Variants in TTYH2 observed in about 807,000 individuals in gnomAD.
TTYH2 encodes the protein tweety family member 2.
TTYH2 carries 49 observed loss-of-function variants against 68.3 expected under a neutral mutation model. The ratio of observed to expected loss-of-function variants is 0.72; its 90% CI spans 0.57 to 0.91. The LOEUF (loss-of-function observed/expected upper bound fraction) is 0.91. Among genes scored for constraint, TTYH2 ranks in the 40% least tolerant of loss-of-function variants. The pLI is 0.00. For missense variants in TTYH2, 631 were observed against 700.4 expected, an observed-to-expected ratio of 0.90 and a Z score of 1.12; for synonymous variants, 272 against 300.8, an observed-to-expected ratio of 0.90 and a Z score of 0.99.
rs541279429 is a variant in TTYH2, at chr17:74,232,252, A to T, written c.414+1253A>T. On this transcript the variant is annotated intron_variant, in intron 3 of 13. Coordinates refer to ENST00000269346, the MANE Select transcript of TTYH2 (RefSeq NM_032646.6). This position sits in a 1 kb window ranked among gnomAD's most constrained non-coding sequence, Gnocchi z 5.1. ...TAAGGCTTTAATCCCTCAGTCAACA[A>T]GGGGGGTCGGGGGTGTCACCTTAAA... is the stretch of plus-strand genomic sequence containing the variant. Among the ~76,000 whole-genome samples the T allele has an allele frequency of 2.0e-5, 3 of 152,096 alleles. No individual in the cohort carries two copies. The highest frequency in any genetic ancestry group is 4.4e-5 in the Non-Finnish European group (3 of 68,006).
intron 6 of TTYH2, chr17:74,248,707 T>G: frequency 7.8e-7 from 1 of 1,276,472 alleles, no homozygotes; most frequent in South Asian, 2.2e-5. Context: ...GGAATAAGAG[T>G]AACAGCATGC....
chr17:74,229,987 C>T (rs1446324029), intron 2 of TTYH2, among the ~76,000 whole-genome samples: 1 of 152,092 alleles, frequency 6.6e-6, no homozygotes, highest in Non-Finnish European at 1.5e-5. Context: ...AAAAATTAGC[C>T]AGGCGTGGTG....
chr17:74,215,217 C>T lies in TTYH2; in HGVS notation c.129+1501C>T, dbSNP rs2050210948. 6.6e-6 allele frequency among the ~76,000 whole-genome samples: 1 copy of T among 151,124 alleles called. No homozygotes were observed. Among genetic ancestry groups the T allele is most frequent in the African/African-American group, 2.5e-5 (1 of 40,628 alleles). The stretch of plus-strand genomic sequence containing the variant: ...TGTGTGTGTGTGTCCCCATCCCAAA[C>T]CCTGTGCCCCACATCCCACACCCGG... On this transcript the variant is annotated intron_variant, in intron 1 of 13. Transcript: ENST00000269346. The surrounding 1 kb of genome is among the most constrained non-coding windows in gnomAD (Gnocchi z 4.3).
intron 1 of TTYH2, among the ~76,000 whole-genome samples, chr17:74,221,185 C>T (rs921505044): frequency 2.6e-5 from 4 of 152,224 alleles, no homozygotes; most frequent in African/African-American, 7.2e-5. Flanking sequence ...ATCACTTCAG[C>T]TGAGAAGTCT....
At chr17:74,243,610 C>G (rs1232947989) in intron 5 of TTYH2, 141 bp downstream of exon 5, 13 of 811,144 alleles carry the variant, frequency 1.6e-5, no homozygotes, top group Non-Finnish European at 4.0e-6. Flanking sequence ...GTCCTCAGCA[C>G]TCAGCAGAGG....
intron 2 of TTYH2, among the ~76,000 whole-genome samples, chr17:74,227,761 GTT>G (rs11322399): frequency 5.0e-4 from 69 of 136,852 alleles, no homozygotes; most frequent in African/African-American, 1.8e-3. Context: ...TTTTTTTTTT[GTT>G]TTTTTTTTAA....
intron 2 of TTYH2, among the ~76,000 whole-genome samples, chr17:74,230,406 T>G (rs1470795566): frequency 2.0e-5 from 3 of 152,108 alleles, no homozygotes; most frequent in Non-Finnish European, 4.4e-5. Context: ...ACACATGTCA[T>G]TATCCATATG....
Position 74,231,181 on chromosome 17 carries a change from G to T in TTYH2, c.414+182G>T, listed in dbSNP as rs146395007. Among the ~76,000 whole-genome samples the T allele has an allele frequency of 4.6e-3, 702 of 152,344 alleles. 6 individuals carry two copies. Among genetic ancestry groups the T allele is most frequent in the African/African-American group, 0.016 (673 of 41,576 alleles). ...TGCTGGGGCAAATGGGCAATTGTGC[G>T]TTCCAAGCCTGCAGGGGTGGCAGGG... On this transcript the variant is annotated intron_variant, in intron 3 of 13. Transcript: ENST00000269346.
chr17:74,219,724 C>T (rs1418808599), intron 1 of TTYH2, among the ~76,000 whole-genome samples: 2 of 152,124 alleles, frequency 1.3e-5, no homozygotes, highest in East Asian at 1.9e-4. Context: ...GAAATTCATC[C>T]CAGAAATACC....
At position 74,243,959 on chromosome 17, in the gene TTYH2, C is replaced by T. The variant is rs769025696; in HGVS notation, c.732-18C>T. On this transcript the variant is annotated intron_variant, in intron 5 of 13. Transcript: ENST00000269346. ...AGGGGACCCCGCCTGCCAACGTTGT[C>T]GCCTGCCTCTCTCCTAGGATGCTGT... The T allele has an allele frequency of 9.9e-6, 16 of 1,609,138 alleles. 1 individual carries two copies. The highest frequency in any genetic ancestry group is 8.9e-5 in the East Asian group (4 of 44,854).
chr17:74,253,970 C>T (rs2050666426), intron 13 of TTYH2, 137 bp downstream of exon 13: 3 of 894,408 alleles, frequency 3.4e-6, no homozygotes, highest in East Asian at 5.4e-5. Flanking sequence ...ACCAGACCGT[C>T]GTGGGTATCC....
chr17:74,237,200 T>A, intron 3 of TTYH2, 94 bp from the exon 4 acceptor site: 1 of 1,282,686 alleles, frequency 7.8e-7, no homozygotes, highest in Non-Finnish European at 1.1e-6. Context: ...TTATCGCACC[T>A]GGCCAGGCCA....
intron 2 of TTYH2, 92 bp from the exon 3 acceptor site, chr17:74,230,791 TGAGCC>T (rs2050380232): frequency 2.4e-6 from 3 of 1,232,976 alleles, no homozygotes; most frequent in Non-Finnish European, 2.3e-6. Flanking sequence ...ATTACAGGCA[TGAGCC>T]ACCGCACCCA....
At chr17:74,219,533 C>A (rs1166772830) in intron 1 of TTYH2, among the ~76,000 whole-genome samples, 1 of 152,156 alleles carries the variant, frequency 6.6e-6, no homozygotes. Flanking sequence ...GTATTCCTGA[C>A]CCCCTAGAAG....
In TTYH2 at chr17:74,215,638, G is replaced by A; in HGVS notation, c.129+1922G>A. The A allele has an allele frequency of 2.6e-6, 4 of 1,535,708 alleles. No individual in the cohort carries two copies. Among genetic ancestry groups the A allele is most frequent in the Non-Finnish European group, 3.5e-6 (4 of 1,146,906 alleles). On this transcript the variant is annotated intron_variant, in intron 1 of 13. Coordinates refer to ENST00000269346, the MANE Select transcript of TTYH2 (RefSeq NM_032646.6). The surrounding 1 kb of genome is among the most constrained non-coding windows in gnomAD (Gnocchi z 4.3). ...CCCCCTCACCACCACTCAGATCGCT[G>A]AGTAGGAGATGAGCGTGGTGGGCCA...
rs1162783345 is a variant in TTYH2 at position 74,231,754 on chromosome 17, C to G, written c.414+755C>G. On this transcript the variant is annotated intron_variant, in intron 3 of 13. Transcript: ENST00000269346. ...AGACCTGCCCCAGCTCCTCGGAGCT[C>G]TGGCTTCCAGGCAGTGACTCCAGGT... Among the ~76,000 whole-genome samples the G allele has an allele frequency of 2.0e-5, 3 of 152,092 alleles. No individual in the cohort carries two copies. In the East Asian group the frequency reaches 5.8e-4, roughly 29 times the overall value.
At position 74,259,589 on chromosome 17, in the gene TTYH2, TC is replaced by T. The variant is rs2050727163; in HGVS notation, c.1525-536del. Among the ~76,000 whole-genome samples, 3 of 152,268 alleles carry T rather than the reference TC, an allele frequency of 2.0e-5. No individual in the cohort carries two copies. In the South Asian group the frequency reaches 6.2e-4, roughly 32 times the overall value. ...CCTGGGCATCGGGATGTTTTTAGGC[TC>T]CCCAGGTGTTTCTGGCGAGCAGCCC... On this transcript the variant is annotated intron_variant, in intron 13 of 13. Coordinates refer to ENST00000269346, the MANE Select transcript of TTYH2 (RefSeq NM_032646.6).
At chr17:74,223,299 T>G (rs1046390003) in intron 2 of TTYH2, among the ~76,000 whole-genome samples, 680 of 101,844 alleles carry the variant, frequency 6.7e-3, no homozygotes, top group African/African-American at 0.02. Flanking sequence ...GGGCGGGGGG[T>G]GGGCGGGGAA....
chr17:74,254,647 G>A (rs1470862556), intron 13 of TTYH2, among the ~76,000 whole-genome samples: 1 of 152,218 alleles, frequency 6.6e-6, no homozygotes, highest in Non-Finnish European at 1.5e-5. Context: ...TACCTGGATT[G>A]TAACACTGGC....
Sources: gnomAD v4.1 joint callset for allele counts (sites outside exome capture counted in the v4.1 genomes callset) on GRCh38, gnomAD v4.1.1 for gene constraint, Gnocchi (gnomAD v3.1) non-coding constraint, MANE v1.5 for transcripts, NCBI Gene and HGNC (gene_info 2026-07-23, HGNC 2026-07-21) for gene names.